ADGRB3: variants seen among roughly 807,000 people sequenced by gnomAD.
ADGRB3 encodes adhesion G protein-coupled receptor B3.
A neutral mutation model predicts 193.4 loss-of-function variants in ADGRB3; 37 were observed. The observed-to-expected ratio is 0.19, with a 90% CI of 0.15 to 0.25. ADGRB3 has a LOEUF of 0.25. ADGRB3 is among the 10% of genes least tolerant of loss of function. ADGRB3 has a pLI of 1.00. For synonymous variants in ADGRB3, 690 were observed against 644.2 expected (o/e 1.07, Z -1.08); for missense variants, 1,637 against 1,852.9 (o/e 0.88, Z 2.14).
At chr6:68,790,707 A>G (rs1306091144) in intron 3 of ADGRB3, among the ~76,000 whole-genome samples, 3 of 152,214 alleles carry the variant, frequency 2.0e-5, no homozygotes, top group Non-Finnish European at 4.4e-5. Context: ...GCAAACTCCA[A>G]CAGACCTGCA....
intron 20 of ADGRB3, 117 bp downstream of exon 20, chr6:69,239,343 A>G (rs1766337334): frequency 2.8e-6 from 2 of 714,868 alleles, no homozygotes. Flanking sequence ...ATTATATTTT[A>G]AAGCAAAATT....
intron 17 of ADGRB3, among the ~76,000 whole-genome samples, chr6:69,112,713 A>G (rs773434014): frequency 1.7e-4 from 26 of 152,164 alleles, no homozygotes; most frequent in Non-Finnish European, 2.8e-4. Flanking sequence ...TAGTATGACT[A>G]TTTACATAAT....
chr6:69,220,968 A>G (rs1765881654), intron 17 of ADGRB3, among the ~76,000 whole-genome samples: 1 of 151,828 alleles, frequency 6.6e-6, no homozygotes, highest in South Asian at 2.1e-4. Context: ...TAGGTTTCAG[A>G]TTTCTTAATT....
chr6:69,312,708 T>C (rs1052753971), intron 20 of ADGRB3, among the ~76,000 whole-genome samples: 4 of 151,756 alleles, frequency 2.6e-5, no homozygotes, highest in African/African-American at 9.7e-5. Context: ...ATACATTTTA[T>C]TGTTCAAAAG....
At chr6:68,677,200 G>C (rs766642212) in intron 3 of ADGRB3, among the ~76,000 whole-genome samples, 1 of 152,190 alleles carries the variant, frequency 6.6e-6, no homozygotes, top group African/African-American at 2.4e-5. Flanking sequence ...ATGGAATACT[G>C]TGTGTATTAT....
At chr6:69,330,981 A>G (rs1768711142) in intron 23 of ADGRB3, among the ~76,000 whole-genome samples, 1 of 152,152 alleles carries the variant, frequency 6.6e-6, no homozygotes, top group South Asian at 2.1e-4. Context: ...CAAATATCTA[A>G]AGGAAATATA....
chr6:69,153,260 C>T (rs1368349142), intron 17 of ADGRB3, among the ~76,000 whole-genome samples: 1 of 152,142 alleles, frequency 6.6e-6, no homozygotes, highest in South Asian at 2.1e-4. Context: ...TTCTTAAAAA[C>T]TCATGAAGCC....
chr6:69,089,121 T>C (rs770510400), intron 17 of ADGRB3, among the ~76,000 whole-genome samples: 6 of 152,266 alleles, frequency 3.9e-5, no homozygotes, highest in Non-Finnish European at 8.8e-5. Context: ...ACTGCATTGC[T>C]TTCTGATATT....
intron 17 of ADGRB3, among the ~76,000 whole-genome samples, chr6:69,089,437 A>AT (rs1303516276): frequency 2.0e-5 from 3 of 152,090 alleles, no homozygotes; most frequent in African/African-American, 4.8e-5. Context: ...TATTTATATA[A>AT]TTTTTTTCTG....
chr6:68,851,373 G>T (rs1562056337), intron 3 of ADGRB3, among the ~76,000 whole-genome samples: 1 of 151,380 alleles, frequency 6.6e-6, no homozygotes, highest in Non-Finnish European at 1.5e-5. Flanking sequence ...GACAATTTTT[G>T]CTCATTTTCC....
At chr6:69,129,206 C>T (rs188277788) in intron 17 of ADGRB3, among the ~76,000 whole-genome samples, 5 of 152,088 alleles carry the variant, frequency 3.3e-5, no homozygotes, top group Non-Finnish European at 4.4e-5. Context: ...GGCCAAACCA[C>T]ACAATTAGTG....
intron 20 of ADGRB3, among the ~76,000 whole-genome samples, chr6:69,262,980 G>A (rs187867249): frequency 1.4e-3 from 214 of 151,874 alleles, no homozygotes; most frequent in Non-Finnish European, 2.3e-3. Flanking sequence ...TTGCATTTCC[G>A]CAAAAAGGAA....
In ADGRB3 at chr6:69,087,646, T is replaced by A. The variant is rs115930788; in HGVS notation, c.2480+11608T>A. Among the ~76,000 whole-genome samples the A allele has an allele frequency of 3.5e-3, 540 of 152,234 alleles. 3 individuals are homozygous for A. Among genetic ancestry groups the A allele is most frequent in the African/African-American group, 0.012 (503 of 41,548 alleles). ...TTTCTGTTGTTTATAAATTACCCAA[T>A]GTAAGATACTTTGTTATAGCAGCCC... is the stretch of plus-strand genomic sequence containing the variant. On this transcript the variant is annotated intron_variant, in intron 17 of 31. Transcript: ENST00000370598.
intron 3 of ADGRB3, among the ~76,000 whole-genome samples, chr6:68,818,452 T>C (rs1190438531): frequency 6.6e-6 from 1 of 151,986 alleles, no homozygotes; most frequent in African/African-American, 2.4e-5. Context: ...TGGTGTGATA[T>C]ATGAAAGCAA....
At chr6:68,732,803 G>A (rs1765798325) in intron 3 of ADGRB3, among the ~76,000 whole-genome samples, 2 of 151,808 alleles carry the variant, frequency 1.3e-5, no homozygotes, top group Admixed American at 1.3e-4. Context: ...AAGGCACTCG[G>A]GTACTTTTAA....
Position 69,101,452 on chromosome 6 carries a change from G to GTGTGTGTT in ADGRB3, c.2480+25421_2480+25422insTTGTGTGT, listed in dbSNP as rs1554262211. On this transcript the variant is annotated intron_variant, in intron 17 of 31. Transcript: ENST00000370598. Reference sequence around the variant, plus strand: ...AAGTATCGTGTGTGTGTGTGTGTGTGTGTGTGTGTACTGCAGAACAGTGAG... The same window carrying GTGTGTGTT: ...AAGTATCGTGTGTGTGTGTGTGTGTGTGTGTGTTTGTGTGTGTACTGCAGAACAGTGAG... Among the ~76,000 whole-genome samples the GTGTGTGTT allele has an allele frequency of 3.9e-4, 59 of 151,770 alleles. 1 individual carries two copies. In the East Asian group the frequency reaches 0.011, roughly 29 times the overall value.
chr6:68,755,742 A>G (rs983628018), intron 3 of ADGRB3, among the ~76,000 whole-genome samples: 4 of 152,164 alleles, frequency 2.6e-5, no homozygotes, highest in Non-Finnish European at 5.9e-5. Flanking sequence ...TAGAGGAGCA[A>G]GAACTGAATG....
intron 3 of ADGRB3, among the ~76,000 whole-genome samples, chr6:68,923,278 A>C (rs890483397): frequency 6.6e-6 from 1 of 152,072 alleles, no homozygotes; most frequent in Non-Finnish European, 1.5e-5. Context: ...ATAATAGGTA[A>C]AGTAAAAATA....
At chr6:69,160,697 T>A (rs1223719948) in intron 17 of ADGRB3, among the ~76,000 whole-genome samples, 1 of 152,180 alleles carries the variant, frequency 6.6e-6, no homozygotes, top group East Asian at 1.9e-4. Flanking sequence ...GTTTGTTTGC[T>A]TTTCCTTCCA....
Sources: gnomAD v4.1 joint callset for allele counts (sites outside exome capture counted in the v4.1 genomes callset) on GRCh38, gnomAD v4.1.1 for gene constraint, MANE v1.5 for transcripts, NCBI Gene and HGNC (gene_info 2026-07-23, HGNC 2026-07-21) for gene names.